TCEA3: variants seen among roughly 807,000 people sequenced by gnomAD.
TCEA3 encodes transcription elongation factor A3.
TCEA3 carries 36 observed loss-of-function variants against 44.0 expected under a neutral mutation model. The ratio of observed to expected loss-of-function variants is 0.82; its 90% CI spans 0.63 to 1.08. The LOEUF (loss-of-function observed/expected upper bound fraction) is 1.08. Ranked by LOEUF, TCEA3 falls within the 50% of genes least tolerant of loss-of-function variation. TCEA3 has a pLI of 0.00. For missense variants in TCEA3, 392 were observed against 441.2 expected (o/e 0.89, Z 1.00); for synonymous variants, 162 against 159.7 (o/e 1.01, Z -0.11).
At chr1:23,409,753 TG>T (rs1468871435) in intron 4 of TCEA3, among the ~76,000 whole-genome samples, 1 of 152,078 alleles carries the variant, frequency 6.6e-6, no homozygotes, top group Non-Finnish European at 1.5e-5. Flanking sequence ...TTCACCATGT[TG>T]GCCAGGCTGG....
At chr1:23,420,957 C>T (rs1043962064) in intron 1 of TCEA3, among the ~76,000 whole-genome samples, 1 of 152,136 alleles carries the variant, frequency 6.6e-6, no homozygotes, top group African/African-American at 2.4e-5. Context: ...TGTTCCTATC[C>T]TTGGCCCACA....
chr1:23,417,438 C>A, intron 3 of TCEA3, 48 bp from the exon 4 acceptor site: 1 of 1,588,286 alleles, frequency 6.3e-7, no homozygotes, highest in Non-Finnish European at 8.6e-7. Flanking sequence ...TCTGTCTCAG[C>A]AGAACCCAGC....
Position 23,418,013 on chromosome 1 carries a change from C to A in TCEA3, c.133-4G>T. The A allele has an allele frequency of 6.2e-7, 1 of 1,613,940 alleles. No homozygotes were observed. Among genetic ancestry groups the A allele is most frequent in the Non-Finnish European group, 8.5e-7 (1 of 1,179,808 alleles). On this transcript the variant is annotated splice_region_variant and splice_polypyrimidine_tract_variant and intron_variant, in intron 2 of 10. Transcript: ENST00000450454. ...CAGCAACTCCAATCCTGGTTGTCTG[C>A]AAAGTGAGAGGGTTAAGGCATAATC...
chr1:23,413,032 T>C (rs1198283214), intron 4 of TCEA3, among the ~76,000 whole-genome samples: 3 of 152,216 alleles, frequency 2.0e-5, no homozygotes, highest in Non-Finnish European at 2.9e-5. Flanking sequence ...CTGAGCCCCA[T>C]GGCTGTGAAA....
At chr1:23,410,520 C>T (rs114352248) in intron 4 of TCEA3, among the ~76,000 whole-genome samples, 7,981 of 151,922 alleles carry the variant, frequency 0.053, 298 homozygotes, top group South Asian at 0.1. Context: ...AAATAGAAAC[C>T]AGCTGGGCGC....
chr1:23,388,904 G>T (rs952114217), intron 8 of TCEA3, among the ~76,000 whole-genome samples: 2 of 152,044 alleles, frequency 1.3e-5, no homozygotes, highest in African/African-American at 4.8e-5. Flanking sequence ...GCCTAGGCTG[G>T]TCTCCTGAGC....
chr1:23,419,477 C>T (rs1639994612), intron 1 of TCEA3: 1 of 215,460 alleles, frequency 4.6e-6, no homozygotes, highest in East Asian at 9.6e-5. Flanking sequence ...GTGCCTGTAG[C>T]GTCCTTCCCT....
chr1:23,389,987 C>G (rs576739782), intron 8 of TCEA3, among the ~76,000 whole-genome samples: 92 of 152,160 alleles, frequency 6.0e-4, no homozygotes, highest in Non-Finnish European at 1.2e-3. Context: ...GATAGGGTAG[C>G]CAAGCATTTA....
chr1:23,401,743 T>A (rs1384435586), intron 5 of TCEA3, among the ~76,000 whole-genome samples: 2 of 152,084 alleles, frequency 1.3e-5, no homozygotes, highest in African/African-American at 4.8e-5. Context: ...CCCCTGCCTC[T>A]AACCCTCCAA....
intron 5 of TCEA3, among the ~76,000 whole-genome samples, chr1:23,404,429 CT>C (rs1639485245): frequency 6.6e-6 from 1 of 151,984 alleles, no homozygotes; most frequent in South Asian, 2.1e-4. Flanking sequence ...CCTCCTTTGA[CT>C]TTTATAGTCA....
At chr1:23,405,193 A>T (rs1639508035) in intron 5 of TCEA3, among the ~76,000 whole-genome samples, 2 of 152,178 alleles carry the variant, frequency 1.3e-5, no homozygotes, top group Non-Finnish European at 2.9e-5. Flanking sequence ...TTTGCAAGGA[A>T]GTGCTCAATA....
chr1:23,387,577 G>C (rs1638888356), intron 8 of TCEA3, among the ~76,000 whole-genome samples, 158 bp from the exon 9 acceptor site: 1 of 152,248 alleles, frequency 6.6e-6, no homozygotes, highest in African/African-American at 2.4e-5. Context: ...CCCCAGCTGG[G>C]AGAAAGCTGT....
intron 7 of TCEA3, among the ~76,000 whole-genome samples, chr1:23,394,357 G>GT (rs1639155146): frequency 6.6e-6 from 1 of 152,188 alleles, no homozygotes; most frequent in African/African-American, 2.4e-5. Context: ...ACACGCCTGA[G>GT]TTTCCTTATT....
At chr1:23,384,438 T>C in intron 9 of TCEA3, 21 bp from the exon 10 acceptor site, 1 of 1,610,598 alleles carries the variant, frequency 6.2e-7, no homozygotes, top group Non-Finnish European at 8.5e-7. Flanking sequence ...GAAGAACCAC[T>C]CATGAAGTCA....
At chr1:23,389,681 A>G (rs1371819972) in intron 8 of TCEA3, among the ~76,000 whole-genome samples, 3 of 152,144 alleles carry the variant, frequency 2.0e-5, no homozygotes, top group African/African-American at 7.2e-5. Flanking sequence ...TTGGATGCCA[A>G]TTTACTGAAT....
intron 9 of TCEA3, among the ~76,000 whole-genome samples, chr1:23,385,362 C>T (rs530523862): frequency 6.6e-6 from 1 of 152,314 alleles, no homozygotes; most frequent in Non-Finnish European, 1.5e-5. Flanking sequence ...GCAGCCTGGT[C>T]ACTGGAAAGC....
intron 10 of TCEA3, among the ~76,000 whole-genome samples, chr1:23,382,910 T>A (rs897553440): frequency 6.6e-6 from 1 of 152,190 alleles, no homozygotes; most frequent in African/African-American, 2.4e-5. Context: ...AAATACATAA[T>A]CATCTGGTTT....
chr1:23,382,149 C>T (rs927928347), intron 10 of TCEA3, among the ~76,000 whole-genome samples: 5 of 151,444 alleles, frequency 3.3e-5, no homozygotes, highest in African/African-American at 9.7e-5. Context: ...TGAGTTCAAG[C>T]GAGTCTCCTG....
In TCEA3 at chr1:23,411,554, A is replaced by G. The variant is rs1639706551; in HGVS notation, c.381-2828T>C. On this transcript the variant is annotated intron_variant, in intron 4 of 10. Transcript: ENST00000450454. ...CAAGCAACAACAATCATAGTGAGGC[A>G]GAAATTTAAAAATAAATATGCATTC... The G allele has an allele frequency of 1.8e-5, 4 of 219,240 alleles. No individual in the cohort carries two copies. The South Asian group carries it at 3.5e-4, about 19-fold the overall frequency. 13.6% of individuals were successfully genotyped at this position (219,240 alleles called of 1,614,324 possible). A position where few individuals can be genotyped will look rare whatever the true frequency, so the allele number is the denominator to read the frequency against.
Sources: gnomAD v4.1 joint callset for allele counts (sites outside exome capture counted in the v4.1 genomes callset) on GRCh38, gnomAD v4.1.1 for gene constraint, MANE v1.5 for transcripts, NCBI Gene and HGNC (gene_info 2026-07-23, HGNC 2026-07-21) for gene names.